SRGAP2C: variants seen among roughly 807,000 people sequenced by gnomAD.
The protein encoded by SRGAP2C is SLIT-ROBO Rho GTPase activating protein 2C, also known as SLIT-ROBO Rho GTPase-activating protein 2C.
Under a neutral mutation model 25.1 loss-of-function variants are expected in SRGAP2C, and 15 were observed. The ratio of observed to expected loss-of-function variants is 0.60; its 90% CI spans 0.40 to 0.92. The LOEUF (loss-of-function observed/expected upper bound fraction) is 0.92, where lower values mean the gene tolerates loss of function less well. SRGAP2C is among the 40% of genes least tolerant of loss of function. The pLI is 0.00. For missense variants in SRGAP2C, 144 were observed against 264.4 expected (o/e 0.54, Z 3.16); for synonymous variants, 44 against 96.6 (o/e 0.46, Z 3.19).
At chr1:121,258,612 T>C (rs1553332925) in intron 2 of SRGAP2C, among the ~76,000 whole-genome samples, 1 of 150,674 alleles carries the variant, frequency 6.6e-6, no homozygotes, top group Admixed American at 6.7e-5. Context: ...ATTACAGGCA[T>C]GTGCCACCAC....
intron 2 of SRGAP2C, among the ~76,000 whole-genome samples, chr1:121,226,102 G>T (rs1280309261): frequency 6.6e-6 from 1 of 151,810 alleles, no homozygotes. Context: ...TTATGAAAGG[G>T]ATCGGGTCTG....
At chr1:121,324,170 TAGATG>T (rs1658270052) in intron 3 of SRGAP2C, among the ~76,000 whole-genome samples, 1 of 150,268 alleles carries the variant, frequency 6.7e-6, no homozygotes. Flanking sequence ...TGATAGAGCT[TAGATG>T]AGATGAGATA....
rs1179449386 is a variant in SRGAP2C, at chr1:121,192,011, T to G, written c.67+4498T>G. Among the ~76,000 whole-genome samples, 69 of 151,542 alleles carry G rather than the reference T, an allele frequency of 4.6e-4. 1 individual carries two copies. The highest frequency in any genetic ancestry group is 1.5e-3 in the African/African-American group (63 of 41,178). ...TTTTGATAGAAAAAGTGCAGGCCTTTGCTTGGAACAGTTTAACCCTTTCAG... is the reference window on the plus strand; with the variant it reads ...TTTTGATAGAAAAAGTGCAGGCCTTGGCTTGGAACAGTTTAACCCTTTCAG... On this transcript the variant is annotated intron_variant, in intron 2 of 9. Transcript: ENST00000367123.
chr1:121,348,540 T>C (rs1343570961), intron 4 of SRGAP2C, among the ~76,000 whole-genome samples: 7 of 151,930 alleles, frequency 4.6e-5, no homozygotes, highest in African/African-American at 1.7e-4. Flanking sequence ...CAACCTTTTC[T>C]GCAGTATATA....
intron 5 of SRGAP2C, among the ~76,000 whole-genome samples, chr1:121,370,815 G>A (rs1157794927): frequency 6.7e-6 from 1 of 148,352 alleles, no homozygotes; most frequent in East Asian, 2.0e-4. Context: ...ATTTCTCTTC[G>A]GGCTTCTGTG....
chr1:121,315,083 G>T (rs1553340455), intron 3 of SRGAP2C: 8 of 771,590 alleles, frequency 1.0e-5, no homozygotes, highest in South Asian at 8.8e-5. Context: ...AGGAACTGGC[G>T]GGGTGAGGCG....
intron 2 of SRGAP2C, among the ~76,000 whole-genome samples, chr1:121,204,160 A>G (rs1655059041): frequency 1.4e-5 from 2 of 141,538 alleles, no homozygotes; most frequent in Admixed American, 7.1e-5. Flanking sequence ...CTGTCTCCAA[A>G]AAAAAAAGAT....
In SRGAP2C at chr1:121,188,423, T is replaced by C. The variant is rs587665356; in HGVS notation, c.67+910T>C. ...AACCAGCAATTCCCATAGGAAGGGT[T>C]CCTGCCTGTTAAAGAGCTGCAGCAT... On this transcript the variant is annotated intron_variant, in intron 2 of 9. Coordinates refer to ENST00000367123, the MANE Select transcript of SRGAP2C (RefSeq NM_001329984.2). Among the ~76,000 whole-genome samples the C allele has an allele frequency of 7.7e-4, 116 of 150,618 alleles. 1 individual carries two copies. Among genetic ancestry groups the C allele is most frequent in the Middle Eastern group, 6.9e-3 (2 of 290 alleles).
chr1:121,235,018 CT>C (rs1357748131), intron 2 of SRGAP2C, among the ~76,000 whole-genome samples: 1 of 147,798 alleles, frequency 6.8e-6, no homozygotes, highest in Admixed American at 6.6e-5. Context: ...TTTCTCTTTT[CT>C]TTCTTTCTTT....
chr1:121,303,764 C>A (rs1236534591), intron 3 of SRGAP2C, among the ~76,000 whole-genome samples: 29 of 151,838 alleles, frequency 1.9e-4, no homozygotes, highest in Admixed American at 6.6e-5. Context: ...ATATCAGTAT[C>A]TTTCATTCCA....
intron 3 of SRGAP2C, among the ~76,000 whole-genome samples, chr1:121,304,159 C>G (rs1346653686): frequency 6.2e-5 from 9 of 144,618 alleles, no homozygotes; most frequent in Non-Finnish European, 1.1e-4. Flanking sequence ...TGCAGTGAGC[C>G]GAGATCGTGC....
At chr1:121,340,696 G>T (rs1335914518) in intron 4 of SRGAP2C, among the ~76,000 whole-genome samples, 1 of 151,326 alleles carries the variant, frequency 6.6e-6, no homozygotes, top group African/African-American at 2.4e-5. Context: ...GCTTCATAGA[G>T]GGGAAAGAAT....
intron 4 of SRGAP2C, among the ~76,000 whole-genome samples, chr1:121,346,516 A>G (rs1384540658): frequency 6.7e-6 from 1 of 149,938 alleles, no homozygotes; most frequent in African/African-American, 2.5e-5. Flanking sequence ...TTATAACATT[A>G]CTTAAAGATA....
chr1:121,298,344 T>G (rs1245405571), intron 3 of SRGAP2C, among the ~76,000 whole-genome samples: 4 of 151,604 alleles, frequency 2.6e-5, no homozygotes, highest in Non-Finnish European at 5.9e-5. Context: ...TTGCTGAGTT[T>G]CTATAAAGAT....
intron 2 of SRGAP2C, among the ~76,000 whole-genome samples, chr1:121,263,126 G>A (rs587636792): frequency 3.3e-5 from 5 of 151,594 alleles, no homozygotes; most frequent in African/African-American, 1.2e-4. Context: ...GGCTGAGTTG[G>A]GCAGATCGCT....
rs1170386415 is a variant in SRGAP2C, at chr1:121,321,874, C to T, written c.261-2604C>T. Among the ~76,000 whole-genome samples the T allele has an allele frequency of 5.6e-3, 858 of 152,258 alleles. 29 individuals are homozygous for T. The East Asian group carries it at 0.086, about 15-fold the overall frequency. ...TTCCCATGGTGTTAGGTTGATTTTG[C>T]CTCCTCTGCTTCCTCTTTTGATCTG... On this transcript the variant is annotated intron_variant, in intron 3 of 9. Transcript: ENST00000367123.
At chr1:121,208,739 G>A (rs1408723981) in intron 2 of SRGAP2C, among the ~76,000 whole-genome samples, 1 of 151,918 alleles carries the variant, frequency 6.6e-6, no homozygotes, top group South Asian at 2.1e-4. Flanking sequence ...CTAGCATCTA[G>A]CAGAGTGCTT....
In SRGAP2C at chr1:121,279,771, G is replaced by A. The variant is rs1189935721; in HGVS notation, c.68-5032G>A. Among the ~76,000 whole-genome samples, 150 of 142,266 alleles carry A rather than the reference G, an allele frequency of 1.1e-3. 2 individuals are homozygous for A. The highest frequency in any genetic ancestry group is 1.7e-3 in the Non-Finnish European group (112 of 64,974). 93.3% of individuals were successfully genotyped at this position (142,266 alleles called of 152,430 possible). On this transcript the variant is annotated intron_variant, in intron 2 of 9. Transcript: ENST00000367123. ...CCCTGGCAGGTCTTTATCTGACATC[G>A]TTTGGAAATGGTGATCTGCCAGTGG...
intron 2 of SRGAP2C, among the ~76,000 whole-genome samples, chr1:121,260,403 G>C (rs1553333325): frequency 6.6e-6 from 1 of 151,952 alleles, no homozygotes; most frequent in Non-Finnish European, 1.5e-5. Context: ...GAAGCAGAGT[G>C]CTCTGGTGGG....
Sources: gnomAD v4.1 joint callset for allele counts (sites outside exome capture counted in the v4.1 genomes callset) on GRCh38, gnomAD v4.1.1 for gene constraint, MANE v1.5 for transcripts, NCBI Gene and HGNC (gene_info 2026-07-23, HGNC 2026-07-21) for gene names.